Variants in PIP5K1B observed in about 807,000 individuals in gnomAD.
PIP5K1B encodes the protein phosphatidylinositol-4-phosphate 5-kinase type 1 beta.
A neutral mutation model predicts 67.0 loss-of-function variants in PIP5K1B; 42 were observed. That is an observed-to-expected ratio of 0.63 (90% CI 0.49 to 0.81). The LOEUF (loss-of-function observed/expected upper bound fraction) is 0.81. PIP5K1B is among the 30% of genes least tolerant of loss of function. The pLI is 0.00. For missense variants in PIP5K1B, 459 were observed against 646.3 expected, an observed-to-expected ratio of 0.71 and a Z score of 3.14; for synonymous variants, 214 against 231.4, an observed-to-expected ratio of 0.92 and a Z score of 0.68.
chr9:68,990,636 G>C (rs1161634469), intron 14 of PIP5K1B, among the ~76,000 whole-genome samples: 1 of 147,058 alleles, frequency 6.8e-6, no homozygotes, highest in Non-Finnish European at 1.5e-5. Context: ...CTGGTAGAGA[G>C]AGAAAATGCA....
intron 12 of PIP5K1B, among the ~76,000 whole-genome samples, chr9:68,932,456 G>A (rs908806502): frequency 2.6e-5 from 4 of 152,100 alleles, no homozygotes; most frequent in South Asian, 2.1e-4. Context: ...AAAAAATTGC[G>A]TGTTAACATC....
chr9:68,766,110 T>C (rs556407877), intron 2 of PIP5K1B, among the ~76,000 whole-genome samples: 39 of 152,258 alleles, frequency 2.6e-4, no homozygotes, highest in African/African-American at 9.1e-4. Flanking sequence ...TAGGAAAAGA[T>C]GGCATAATAT....
At chr9:68,923,154 C>A (rs115627457) in intron 11 of PIP5K1B, 148 bp from the exon 12 acceptor site, 3 of 616,018 alleles carry the variant, frequency 4.9e-6, no homozygotes, top group Admixed American at 3.4e-5. Flanking sequence ...CTGGGCCCCA[C>A]GGGCTACAGG....
chr9:68,775,418 G>T (rs1405700252), intron 2 of PIP5K1B, among the ~76,000 whole-genome samples: 1 of 152,092 alleles, frequency 6.6e-6, no homozygotes, highest in Non-Finnish European at 1.5e-5. Context: ...CTACTGTTGT[G>T]TTTGGGGCCA....
intron 2 of PIP5K1B, among the ~76,000 whole-genome samples, chr9:68,812,345 C>G (rs1214763865): frequency 6.6e-6 from 1 of 152,132 alleles, no homozygotes; most frequent in African/African-American, 2.4e-5. Context: ...CTATAGAAAG[C>G]TATGAAATAG....
At position 68,812,811 on chromosome 9, in the gene PIP5K1B, G is replaced by C. The variant is rs182925503; in HGVS notation, c.-85-5650G>C. Among the ~76,000 whole-genome samples the C allele has an allele frequency of 3.1e-3, 478 of 152,256 alleles. 1 individual carries two copies. The highest frequency in any genetic ancestry group is 0.011 in the African/African-American group (439 of 41,536). On this transcript the variant is annotated intron_variant, in intron 2 of 15. Transcript: ENST00000265382. ...AAATTCTATTTGTGGTTTAAGTCAG[G>C]TTATCACATAGCTTCCTATTTGGAT...
intron 1 of PIP5K1B, among the ~76,000 whole-genome samples, chr9:68,718,210 C>T (rs1253067299): frequency 6.6e-6 from 1 of 152,184 alleles, no homozygotes; most frequent in Non-Finnish European, 1.5e-5. Flanking sequence ...GGAGAGTAGA[C>T]ATATGATAGA....
At chr9:69,007,604 T>C (rs1831140378) in intron 15 of PIP5K1B, among the ~76,000 whole-genome samples, 1 of 152,166 alleles carries the variant, frequency 6.6e-6, no homozygotes, top group South Asian at 2.1e-4. Context: ...ACGCCTGTAA[T>C]CCCAGCACTT....
chr9:68,740,668 A>G (rs904199392), intron 1 of PIP5K1B, among the ~76,000 whole-genome samples: 1 of 152,246 alleles, frequency 6.6e-6, no homozygotes, highest in Admixed American at 6.5e-5. Flanking sequence ...TTTGCATGTC[A>G]TAAAATTATG....
At chr9:68,917,818 A>G (rs1304006580) in intron 9 of PIP5K1B, 59 bp downstream of exon 9, 1 of 1,223,588 alleles carries the variant, frequency 8.2e-7, no homozygotes, top group Non-Finnish European at 1.2e-6. Flanking sequence ...GTCACTGGGT[A>G]ATTATAGACA....
intron 2 of PIP5K1B, among the ~76,000 whole-genome samples, chr9:68,792,063 T>C (rs1343329917): frequency 6.6e-6 from 1 of 152,252 alleles, no homozygotes; most frequent in Non-Finnish European, 1.5e-5. Flanking sequence ...TCTTTCCTGA[T>C]GGCCCCTGCC....
At chr9:68,864,799 G>T (rs1443702329) in intron 5 of PIP5K1B, among the ~76,000 whole-genome samples, 1 of 152,054 alleles carries the variant, frequency 6.6e-6, no homozygotes, top group East Asian at 1.9e-4. Context: ...TCAATTTGGG[G>T]ACTTGTCTTT....
chr9:68,797,673 T>G (rs1832367958), intron 2 of PIP5K1B, among the ~76,000 whole-genome samples: 1 of 152,230 alleles, frequency 6.6e-6, no homozygotes. Flanking sequence ...TTGGATTTAA[T>G]TGCTTAGAAA....
chr9:68,872,919 A>G (rs1823697620), intron 5 of PIP5K1B, among the ~76,000 whole-genome samples: 2 of 152,228 alleles, frequency 1.3e-5, no homozygotes, highest in Admixed American at 6.5e-5. Flanking sequence ...GGTTACCATA[A>G]TGAGTAACCA....
intron 12 of PIP5K1B, among the ~76,000 whole-genome samples, chr9:68,931,278 A>C (rs952731569): frequency 6.6e-5 from 10 of 152,260 alleles, no homozygotes; most frequent in African/African-American, 2.4e-4. Flanking sequence ...TATAAGAGTT[A>C]AATTAATTTG....
intron 2 of PIP5K1B, among the ~76,000 whole-genome samples, chr9:68,798,583 C>G (rs147213730): frequency 7.9e-4 from 120 of 151,974 alleles, no homozygotes; most frequent in African/African-American, 2.8e-3. Context: ...TGTGCATGCA[C>G]TTGGGGAATT....
chr9:68,848,293 C>G (rs1046825509), intron 4 of PIP5K1B, among the ~76,000 whole-genome samples: 19 of 152,162 alleles, frequency 1.2e-4, no homozygotes, highest in African/African-American at 4.6e-4. Context: ...CCTAAAGATA[C>G]CTGATCATTT....
chr9:68,794,791 G>A (rs1832195809), intron 2 of PIP5K1B, among the ~76,000 whole-genome samples: 2 of 152,088 alleles, frequency 1.3e-5, no homozygotes, highest in Non-Finnish European at 2.9e-5. Flanking sequence ...TGAATAGTGG[G>A]AGAGGAGAGG....
chr9:68,850,749 T>C (rs1002858841), intron 4 of PIP5K1B, among the ~76,000 whole-genome samples: 3 of 152,194 alleles, frequency 2.0e-5, no homozygotes, highest in Non-Finnish European at 2.9e-5. Flanking sequence ...GTCAATCCTG[T>C]CTTATTTTAA....
Sources: gnomAD v4.1 joint callset for allele counts (sites outside exome capture counted in the v4.1 genomes callset) on GRCh38, gnomAD v4.1.1 for gene constraint, MANE v1.5 for transcripts, NCBI Gene and HGNC (gene_info 2026-07-23, HGNC 2026-07-21) for gene names.